Variants in MAP3K11 observed in about 807,000 individuals in gnomAD.
The protein encoded by MAP3K11 is mitogen-activated protein kinase kinase kinase 11.
In MAP3K11, 46 loss-of-function variants were observed where a neutral mutation model predicts 84.9. The observed-to-expected ratio is 0.54, with a 90% CI of 0.43 to 0.69. MAP3K11 has a LOEUF of 0.69. Ranked by LOEUF, MAP3K11 falls within the 30% of genes least tolerant of loss-of-function variation. The pLI is 0.00. For missense variants in MAP3K11, 1,053 were observed against 1,198.3 expected (o/e 0.88, Z 1.79); for synonymous variants, 527 against 514.7 (o/e 1.02, Z -0.32).
rs781013413 is a variant in MAP3K11, at chr11:65,613,534, C to T, written c.223G>A (p.Ala75Thr). Reference protein sequence around the residue: ...GDRVEVLSRDAAISGDEGWWA... With the variant: ...GDRVEVLSRDTAISGDEGWWA... ...CAGCCCTCGTCTCCTGAGATGGCTG[C>T]GTCCCGGGACAGCACCTCCACACGG... Residue 75 changes from alanine (A) to threonine (T), a missense_variant, in exon 1 of 10, where the codon GCA (alanine) becomes ACA (threonine). Transcript: ENST00000309100. The T allele has an allele frequency of 3.9e-5, 62 of 1,609,860 alleles. No homozygotes were observed. The highest frequency in any genetic ancestry group is 5.0e-5 in the Admixed American group (3 of 59,882).
In MAP3K11 at chr11:65,613,678, C is replaced by T. The variant is rs552446631; in HGVS notation, c.79G>A (p.Gly27Ser). ...GACCCCTCAGGCCGGCCTCCTCCAC[C>T]GCCCCCACCACCCCCGCTGCCACTG... ...NGSGSGGGGG[G>S]GGGRPEGSPK... Residue 27 changes from glycine (G) to serine (S), a missense_variant, in exon 1 of 10, where the codon GGT (glycine) becomes AGT (serine). Transcript: ENST00000309100. The T allele has an allele frequency of 6.5e-5, 104 of 1,610,080 alleles. 1 individual carries two copies. The South Asian group carries it at 9.2e-4, about 14-fold the overall frequency.
chr11:65,602,378 G>GT (rs1391249408), intron 8 of MAP3K11, among the ~76,000 whole-genome samples: 15 of 152,194 alleles, frequency 9.9e-5, no homozygotes, highest in African/African-American at 2.7e-4. Flanking sequence ...GGGCATGGTG[G>GT]TTCACGCTTG....
chr11:65,599,906 G>T, intron 8 of MAP3K11, 138 bp from the exon 9 acceptor site: 1 of 914,624 alleles, frequency 1.1e-6, no homozygotes, highest in Non-Finnish European at 1.6e-6. Flanking sequence ...AGGTCCCATG[G>T]CCTCCCCATC....
chr11:65,604,725 G>A (rs534245576), intron 8 of MAP3K11, among the ~76,000 whole-genome samples: 5,509 of 152,220 alleles, frequency 0.036, 327 homozygotes, highest in African/African-American at 0.12. Flanking sequence ...GAGGCGATGG[G>A]CTGGGTGGGA....
chr11:65,606,291 T>G, intron 6 of MAP3K11: 1 of 517,166 alleles, frequency 1.9e-6, no homozygotes, highest in Middle Eastern at 4.9e-4. Flanking sequence ...AGTTTGCTGC[T>G]TAGTAATTAG....
At chr11:65,612,506 A>C (rs1000716354) in intron 1 of MAP3K11, 1 of 153,332 alleles carries the variant, frequency 6.5e-6, no homozygotes, top group African/African-American at 2.4e-5. Flanking sequence ...TGGAGTAACC[A>C]GCTAGAGGTC....
intron 2 of MAP3K11, 39 bp downstream of exon 2, chr11:65,608,229 G>A (rs773183989): frequency 3.0e-5 from 48 of 1,603,406 alleles, no homozygotes; most frequent in Non-Finnish European, 3.9e-5. Flanking sequence ...GCCCTCTGCA[G>A]CCCCGTAGCA....
chr11:65,602,995 C>G (rs1160632058), intron 8 of MAP3K11, among the ~76,000 whole-genome samples: 1 of 151,878 alleles, frequency 6.6e-6, no homozygotes, highest in Admixed American at 6.6e-5. Flanking sequence ...CCCTGCTACT[C>G]AGGAAGCTGA....
In MAP3K11 at chr11:65,613,502, C is replaced by A; in HGVS notation, c.255G>T (p.Ala85=). The part of the protein sequence containing the change: ...AAISGDEGWW[A]GQVGGQVGIF... ...TGCCCACCTGGCCACCCACCTGGCC[C>A]GCCCACCAGCCCTCGTCTCCTGAGA... is the stretch of plus-strand genomic sequence containing the variant. Residue 85 remains alanine, a synonymous_variant, in exon 1 of 10, where the codon GCG becomes GCT. Coordinates refer to ENST00000309100, the MANE Select transcript of MAP3K11 (RefSeq NM_002419.4). 6.2e-7 allele frequency: 1 copy of A among 1,610,854 alleles called. No homozygotes were observed. The highest frequency in any genetic ancestry group is 8.5e-7 in the Non-Finnish European group (1 of 1,178,396).
At position 65,607,964 on chromosome 11, in the gene MAP3K11, T is replaced by C; in HGVS notation, c.1027A>G (p.Ile343Val). 1 of 1,614,164 alleles carries C rather than the reference T, an allele frequency of 6.2e-7. No individual in the cohort carries two copies. The highest frequency in any genetic ancestry group is 8.5e-7 in the Non-Finnish European group (1 of 1,180,014). ...GVAVNKLTLP[I>V]PSTCPEPFAQ... ...AAGGGCTCGGGGCAGGTGGATGGGA[T>C]GGGCAGTGTGAGCTTGTTAACAGCT... Residue 343 changes from isoleucine to valine, a missense_variant, in exon 3 of 10, where the codon ATC becomes GTC. Around this residue, in one of 3 missense-constraint regions of MAP3K11, gnomAD observed 310 missense variants for 464.5 expected, o/e 0.67. Transcript: ENST00000309100.
At chr11:65,612,906 C>T in intron 1 of MAP3K11, 112 bp downstream of exon 1, 2 of 1,316,208 alleles carry the variant, frequency 1.5e-6, no homozygotes, top group Non-Finnish European at 2.0e-6. Flanking sequence ...GCTGGGACCC[C>T]CTAGGGTGGG....
At chr11:65,602,645 C>CAA (rs768976919) in intron 8 of MAP3K11, among the ~76,000 whole-genome samples, 1 of 132,398 alleles carries the variant, frequency 7.6e-6, no homozygotes, top group African/African-American at 2.8e-5. Context: ...CACTTCATCT[C>CAA]AAAAAAAAAA....
At position 65,613,824 on chromosome 11, in the gene MAP3K11, G is replaced by A; in HGVS notation, c.-68C>T. The A allele has an allele frequency of 6.9e-7, 1 of 1,448,710 alleles. No homozygotes were observed. The allele number at this position is 1,448,710 out of a possible 1,614,324, so 89.7% of individuals were successfully genotyped here. On this transcript the variant is annotated 5_prime_UTR_variant, in exon 1 of 10. Transcript: ENST00000309100. ...GTGCCCGTGGTCCCCACCCCCGCTG[G>A]CTGCCAAGGCCCTAGTCCCGGAACC...
At position 65,606,061 on chromosome 11, in the gene MAP3K11, G is replaced by C; in HGVS notation, c.1624C>G (p.Gln542Glu). Residue 542 changes from glutamine (Q) to glutamate (E), a missense_variant, in exon 7 of 10, where the codon CAG becomes GAG. Physicochemically the swap from Gln to Glu is conservative, Grantham distance 29. Coordinates refer to ENST00000309100, the MANE Select transcript of MAP3K11 (RefSeq NM_002419.4). ...CGGGGGGACTGGCGGCCCCATGCCT[G>C]GCCTGGCTCTGCAGGCTCCACTGCA... The part of the protein sequence containing the change: ...AIQLEPAEPG[Q>E]AWGRQSPRRL... The C allele has an allele frequency of 1.3e-6, 2 of 1,582,958 alleles. No homozygotes were observed. The highest frequency in any genetic ancestry group is 3.9e-5 in the Admixed American group (2 of 51,188).
Position 65,613,574 on chromosome 11 carries a change from G to A in MAP3K11, c.183C>T (p.Ala61=). The A allele has an allele frequency of 3.1e-6, 5 of 1,612,888 alleles. No individual in the cohort carries two copies. Among genetic ancestry groups the A allele is most frequent in the Non-Finnish European group, 4.2e-6 (5 of 1,179,824 alleles). Residue 61 remains alanine, a synonymous_variant, in exon 1 of 10, where the codon GCC becomes GCT. Coordinates refer to ENST00000309100, the MANE Select transcript of MAP3K11 (RefSeq NM_002419.4). ...DYEPSGQDEL[A]LRKGDRVEVL... Reference sequence around the variant, plus strand: ...CCTCCACACGGTCACCCTTCCTCAGGGCCAGCTCATCCTGCCCACTGGGCT... The same window carrying A: ...CCTCCACACGGTCACCCTTCCTCAGAGCCAGCTCATCCTGCCCACTGGGCT...
intron 8 of MAP3K11, among the ~76,000 whole-genome samples, chr11:65,603,938 C>A (rs555794723): frequency 6.6e-6 from 1 of 152,194 alleles, no homozygotes. Flanking sequence ...CTGGGGGCTG[C>A]GGCTCTCTCA....
chr11:65,599,515 G>A lies in MAP3K11; in HGVS notation c.2085C>T (p.Leu695=), dbSNP rs746877428. The change falls in exon 9 of 10, where the codon CTC becomes CTT. Residue 695 remains leucine (L), a synonymous_variant. Transcript: ENST00000309100. Reference sequence around the variant, plus strand: ...CGGGCGTCTTGAGCGAGAAGCAGATGAGCGGGGAAGGGGGCGGCTCGGTCG... The same window carrying A: ...CGGGCGTCTTGAGCGAGAAGCAGATAAGCGGGGAAGGGGGCGGCTCGGTCG... ...PCPTEPPPSP[L]ICFSLKTPDS... 5.4e-6 allele frequency: 8 copies of A among 1,494,890 alleles called. No homozygotes were observed. The highest frequency in any genetic ancestry group is 2.7e-5 in the East Asian group (1 of 37,378). 92.6% of individuals were successfully genotyped at this position (1,494,890 alleles called of 1,614,324 possible).
rs1239005728 is a variant in MAP3K11, at chr11:65,613,406, C to A, written c.351G>T (p.Leu117=). The change falls in exon 1 of 10, where the codon CTG becomes CTT. Residue 117 remains leucine (L), a synonymous_variant. Coordinates refer to ENST00000309100, the MANE Select transcript of MAP3K11 (RefSeq NM_002419.4). ...CAATGCCGATCACCTCCTCCAGCCG[C>A]AGCTCCTGGAAGCTGGCCACCTCGC... is the stretch of plus-strand genomic sequence containing the variant. The part of the protein sequence containing the change: ...PPCEVASFQE[L]RLEEVIGIGG... 9.9e-6 allele frequency: 16 copies of A among 1,612,712 alleles called. No homozygotes were observed. The South Asian group carries it at 1.5e-4, about 15-fold the overall frequency.
intron 9 of MAP3K11, among the ~76,000 whole-genome samples, chr11:65,599,046 G>A (rs907795074): frequency 2.6e-5 from 4 of 152,114 alleles, no homozygotes; most frequent in African/African-American, 7.2e-5. Context: ...ATGCTGTGTC[G>A]CCCAGGCTGG....
Sources: allele counts gnomAD v4.1 joint callset (sites outside exome capture counted in the v4.1 genomes callset), GRCh38; gene constraint gnomAD v4.1.1; regional missense constraint gnomAD v4.1.1; transcripts MANE v1.5; gene names NCBI Gene and HGNC (gene_info 2026-07-23, HGNC 2026-07-21).